The following ADGRL3 variants were observed in gnomAD, a reference collection of about 807,000 sequenced individuals.
ADGRL3 encodes adhesion G protein-coupled receptor L3.
Under a neutral mutation model 153.5 loss-of-function variants are expected in ADGRL3, and 62 were observed. The ratio of observed to expected loss-of-function variants is 0.40; its 90% CI spans 0.33 to 0.50. ADGRL3 has a LOEUF of 0.50. Ranked by LOEUF, ADGRL3 falls within the 20% of genes least tolerant of loss-of-function variation. ADGRL3 has a pLI of 0.47. For missense variants in ADGRL3, 1,641 were observed against 1,859.4 expected (o/e 0.88, Z 2.16); for synonymous variants, 710 against 672.5 (o/e 1.06, Z -0.86).
At chr4:61,330,431 C>T (rs2095548831) in intron 1 of ADGRL3, among the ~76,000 whole-genome samples, 1 of 152,164 alleles carries the variant, frequency 6.6e-6, no homozygotes, top group Admixed American at 6.5e-5. Flanking sequence ...CTGCTCCTCT[C>T]AGACACTGGA....
At chr4:61,408,646 A>T (rs2097036800) in intron 2 of ADGRL3, among the ~76,000 whole-genome samples, 1 of 152,092 alleles carries the variant, frequency 6.6e-6, no homozygotes, top group African/African-American at 2.4e-5. Context: ...TAAATTATTT[A>T]ATCTAGATTA....
intron 11 of ADGRL3, 142 bp from the exon 12 acceptor site, chr4:61,909,418 G>A: frequency 3.4e-6 from 2 of 595,802 alleles, no homozygotes; most frequent in African/African-American, 1.9e-5. Context: ...AAATTGGGGA[G>A]TGTATTCCAG....
intron 13 of ADGRL3, among the ~76,000 whole-genome samples, chr4:61,930,739 C>T (rs950118704): frequency 6.6e-6 from 1 of 151,896 alleles, no homozygotes; most frequent in East Asian, 1.9e-4. Context: ...TGACTTTTGG[C>T]TCTTTCCCAT....
chr4:61,946,635 A>T (rs2098925920), intron 15 of ADGRL3, among the ~76,000 whole-genome samples: 1 of 152,158 alleles, frequency 6.6e-6, no homozygotes. Context: ...TAGAAGCCTT[A>T]TGATTCTGGT....
At chr4:61,642,274 A>C (rs1410593890) in intron 5 of ADGRL3, among the ~76,000 whole-genome samples, 1 of 152,134 alleles carries the variant, frequency 6.6e-6, no homozygotes, top group East Asian at 1.9e-4. Context: ...TTTGCTGTGC[A>C]GAAGCTCTTT....
chr4:61,680,123 A>T (rs937061221), intron 6 of ADGRL3, among the ~76,000 whole-genome samples: 1 of 152,036 alleles, frequency 6.6e-6, no homozygotes, highest in South Asian at 2.1e-4. Flanking sequence ...TGTATTAGAG[A>T]AAATCCTTGT....
intron 4 of ADGRL3, among the ~76,000 whole-genome samples, chr4:61,550,943 T>G (rs745945777): frequency 1.3e-5 from 2 of 152,120 alleles, no homozygotes; most frequent in Non-Finnish European, 2.9e-5. Context: ...CTACTTAGAT[T>G]ATAAGTTAAG....
At chr4:61,792,464 CTTTA>C (rs1229605320) in intron 8 of ADGRL3, among the ~76,000 whole-genome samples, 31 of 149,334 alleles carry the variant, frequency 2.1e-4, no homozygotes, top group South Asian at 4.2e-4. Flanking sequence ...CAAACTTTTC[CTTTA>C]TTTATTTATT....
Position 61,824,983 on chromosome 4 carries a change from C to T in ADGRL3, c.1480+11094C>T, listed in dbSNP as rs548817251. 3.9e-5 allele frequency among the ~76,000 whole-genome samples: 6 copies of T among 152,254 alleles called. No individual in the cohort carries two copies. In the South Asian group the frequency reaches 1.2e-3, roughly 32 times the overall value. On this transcript the variant is annotated intron_variant, in intron 9 of 26. Transcript: ENST00000683033. ...ACCACTTGGAGAATGAGAATCTTTT[C>T]TCCTTAGCTGCTAAAAGGCATATGC...
intron 19 of ADGRL3, among the ~76,000 whole-genome samples, chr4:61,993,796 TCAGAATGAA>T (rs2099112292): frequency 6.6e-6 from 1 of 152,020 alleles, no homozygotes; most frequent in Non-Finnish European, 1.5e-5. Flanking sequence ...TAGCCTATGG[TCAGAATGAA>T]GACAATGTTC....
At chr4:61,683,361 G>T (rs1289299518) in intron 6 of ADGRL3, among the ~76,000 whole-genome samples, 1 of 152,070 alleles carries the variant, frequency 6.6e-6, no homozygotes, top group Non-Finnish European at 1.5e-5. Context: ...TCAAGTTCTT[G>T]TCTCACAACC....
chr4:62,034,310 C>A (rs1033312490), intron 23 of ADGRL3, among the ~76,000 whole-genome samples: 16 of 151,514 alleles, frequency 1.1e-4, no homozygotes, highest in Admixed American at 1.1e-3. Context: ...GCTCCTGAGT[C>A]AAAAAACTTA....
intron 9 of ADGRL3, among the ~76,000 whole-genome samples, chr4:61,848,349 C>G (rs1220313756): frequency 6.6e-6 from 1 of 151,222 alleles, no homozygotes; most frequent in African/African-American, 2.4e-5. Flanking sequence ...TAGGATCCTT[C>G]TTTACCTCTT....
intron 4 of ADGRL3, among the ~76,000 whole-genome samples, chr4:61,548,461 G>T (rs1475277368): frequency 6.6e-6 from 1 of 151,992 alleles, no homozygotes; most frequent in East Asian, 1.9e-4. Flanking sequence ...TTTTGCATAT[G>T]GTGTAGTTAA....
At chr4:61,428,143 A>C (rs2097305432) in intron 2 of ADGRL3, 1 of 152,556 alleles carries the variant, frequency 6.6e-6, no homozygotes, top group Non-Finnish European at 1.5e-5. Context: ...GTCCAAGGGG[A>C]GTGGGTGAAT....
intron 6 of ADGRL3, among the ~76,000 whole-genome samples, chr4:61,696,670 CTTTT>C (rs34306284): frequency 2.0e-5 from 2 of 102,014 alleles, no homozygotes; most frequent in African/African-American, 4.0e-5. Context: ...TTTTTTTAAC[CTTTT>C]TTTTTTTTTT....
intron 2 of ADGRL3, among the ~76,000 whole-genome samples, chr4:61,401,610 A>G (rs1170949245): frequency 6.6e-6 from 1 of 151,982 alleles, no homozygotes. Context: ...ATTATCATCT[A>G]AGTTGAAATG....
At chr4:61,845,851 G>A (rs2098111105) in intron 9 of ADGRL3, among the ~76,000 whole-genome samples, 1 of 152,058 alleles carries the variant, frequency 6.6e-6, no homozygotes, top group Non-Finnish European at 1.5e-5. Flanking sequence ...GGACAATGCA[G>A]ATGTTTATAT....
intron 1 of ADGRL3, among the ~76,000 whole-genome samples, chr4:61,330,845 T>C (rs1030884017): frequency 1.7e-4 from 26 of 152,140 alleles, no homozygotes; most frequent in African/African-American, 6.3e-4. Context: ...GGTGCATTTT[T>C]ACAGAGTGCT....
Sources: allele counts gnomAD v4.1 joint callset (sites outside exome capture counted in the v4.1 genomes callset), GRCh38; gene constraint gnomAD v4.1.1; transcripts MANE v1.5; gene names NCBI Gene and HGNC (gene_info 2026-07-23, HGNC 2026-07-21).